The following FTO variants were observed in gnomAD, a reference collection of about 807,000 sequenced individuals.
FTO encodes the protein alpha-ketoglutarate-dependent dioxygenase FTO.
Under a neutral mutation model 63.9 loss-of-function variants are expected in FTO, and 47 were observed. The observed-to-expected ratio is 0.74, with a 90% CI of 0.58 to 0.94. The LOEUF (loss-of-function observed/expected upper bound fraction) is 0.94. FTO is among the 40% of genes least tolerant of loss of function. The probability of loss-of-function intolerance (pLI) is 0.00; values close to 1 mark genes in which losing one functional copy is unlikely to be tolerated. For missense variants in FTO, 562 were observed against 618.1 expected (o/e 0.91, Z 0.96); for synonymous variants, 207 against 224.4 (o/e 0.92, Z 0.69).
intron 8 of FTO, among the ~76,000 whole-genome samples, chr16:54,026,293 G>A (rs7195994): frequency 0.18 from 26,701 of 151,916 alleles, 3,655 homozygotes; most frequent in African/African-American, 0.38. Context: ...TTTCCCTCAC[G>A]GTCACAAAAG....
Position 53,737,971 on chromosome 16 carries a change from T to C in FTO, c.45+33742T>C, listed in dbSNP as rs867411184. Among the ~76,000 whole-genome samples the C allele has an allele frequency of 2.6e-5, 4 of 152,004 alleles. No homozygotes were observed. The South Asian group carries it at 8.3e-4, about 32-fold the overall frequency. ...TTCTTTCTTTCTTTTTTTTCTTTTT[T>C]GAGACAAGGTTTCGCTCTGTCACCC... On this transcript the variant is annotated intron_variant, in intron 1 of 8. Transcript: ENST00000471389.
chr16:53,991,096 A>T (rs1364052248), intron 8 of FTO: 1 of 152,100 alleles, frequency 6.6e-6, no homozygotes, highest in Non-Finnish European at 1.5e-5. Flanking sequence ...TGGAATTTTC[A>T]TGGCAACATA....
At chr16:53,857,543 C>A (rs112202545) in intron 4 of FTO, among the ~76,000 whole-genome samples, 2,302 of 151,910 alleles carry the variant, frequency 0.015, 57 homozygotes, top group African/African-American at 0.053. Flanking sequence ...CAAGGGCATA[C>A]CTGGTGCTAG....
intron 1 of FTO, among the ~76,000 whole-genome samples, chr16:53,764,697 G>A (rs543028027): frequency 6.6e-6 from 1 of 151,990 alleles, no homozygotes; most frequent in South Asian, 2.1e-4. Flanking sequence ...CCAATATAGG[G>A]CAAATAAAAA....
intron 8 of FTO, chr16:54,061,609 G>A (rs1483362135): frequency 2.3e-5 from 2 of 88,120 alleles, no homozygotes; most frequent in Non-Finnish European, 3.9e-5. Flanking sequence ...GTGTGTTTGT[G>A]TGTGTGTGTG....
rs539645550 is a variant in FTO, at chr16:54,004,629, G to A, written c.1364+70520G>A. On this transcript the variant is annotated intron_variant, in intron 8 of 8. Transcript: ENST00000471389. ...CATGCCATTTAATGAGTTTACATCA[G>A]TAAAAAGAGAGGACAGATTCAAAAA... 3.3e-5 allele frequency among the ~76,000 whole-genome samples: 5 copies of A among 152,236 alleles called. No homozygotes were observed. The South Asian group carries it at 1.0e-3, about 32-fold the overall frequency.
chr16:53,792,963 A>C (rs1209132505), intron 1 of FTO, among the ~76,000 whole-genome samples: 1 of 152,164 alleles, frequency 6.6e-6, no homozygotes, highest in African/African-American at 2.4e-5. Flanking sequence ...TTACAAAATT[A>C]TGGACAGTAT....
intron 8 of FTO, among the ~76,000 whole-genome samples, chr16:54,067,490 C>T (rs1411297739): frequency 2.0e-5 from 3 of 152,210 alleles, no homozygotes; most frequent in Admixed American, 2.0e-4. Context: ...CATATAAAAT[C>T]CGCATGTGCT....
chr16:53,804,946 T>C (rs546911505), intron 1 of FTO, among the ~76,000 whole-genome samples: 1 of 152,230 alleles, frequency 6.6e-6, no homozygotes, highest in South Asian at 2.1e-4. Context: ...AGTTTAGATA[T>C]GTCTTCCTTG....
intron 2 of FTO, among the ~76,000 whole-genome samples, chr16:53,814,392 GT>G (rs1219428454): frequency 3.3e-5 from 5 of 152,140 alleles, no homozygotes; most frequent in African/African-American, 9.7e-5. Context: ...GTGCCAGGTT[GT>G]TCTGCTGCTA....
chr16:53,760,621 CTTTTTT>C (rs1169039527), intron 1 of FTO, among the ~76,000 whole-genome samples: 6 of 112,038 alleles, frequency 5.4e-5, no homozygotes, highest in East Asian at 2.5e-4. Flanking sequence ...TGCTTGCTTT[CTTTTTT>C]TTTTTTTTTT....
chr16:53,895,664 A>T (rs990600957), intron 7 of FTO, among the ~76,000 whole-genome samples: 6 of 152,216 alleles, frequency 3.9e-5, no homozygotes, highest in African/African-American at 1.4e-4. Flanking sequence ...ACCAGTGGGT[A>T]GGACTTTCTG....
intron 8 of FTO, among the ~76,000 whole-genome samples, chr16:54,089,871 AAAAAG>A (rs1291901735): frequency 2.6e-5 from 4 of 152,096 alleles, no homozygotes; most frequent in Non-Finnish European, 5.9e-5. Context: ...TTAAAAAAAA[AAAAAG>A]AAAAGAAAAT....
chr16:54,023,822 G>A (rs956962525), intron 8 of FTO, among the ~76,000 whole-genome samples: 3 of 152,144 alleles, frequency 2.0e-5, no homozygotes, highest in East Asian at 3.9e-4. Context: ...TCCTAATACA[G>A]CTATTTTTAC....
chr16:53,873,942 C>T (rs2080575992), intron 5 of FTO, 77 bp downstream of exon 5: 2 of 1,088,934 alleles, frequency 1.8e-6, no homozygotes, highest in Admixed American at 1.7e-5. Context: ...TACTATAGAG[C>T]TTTGGAAGAG....
At chr16:53,967,821 T>C (rs535245837) in intron 8 of FTO, among the ~76,000 whole-genome samples, 1 of 152,298 alleles carries the variant, frequency 6.6e-6, no homozygotes, top group East Asian at 1.9e-4. Context: ...ATTTGAATAA[T>C]TGGATTAATT....
intron 1 of FTO, among the ~76,000 whole-genome samples, chr16:53,718,702 A>AT (rs1015376116): frequency 1.3e-5 from 2 of 151,978 alleles, no homozygotes; most frequent in African/African-American, 2.4e-5. Context: ...TTTTAGGAAC[A>AT]TTTTTTGGAC....
At position 54,102,078 on chromosome 16, in the gene FTO, A is replaced by G. The variant is rs111877745; in HGVS notation, c.1365-9684A>G. ...GATATTAGACCTTTGTCAGATGCAT[A>G]ATTTGCAAACATTTTCTCCCATTCT... On this transcript the variant is annotated intron_variant, in intron 8 of 8. Coordinates refer to ENST00000471389, the MANE Select transcript of FTO (RefSeq NM_001080432.3). Among the ~76,000 whole-genome samples the G allele has an allele frequency of 8.7e-3, 1,330 of 152,274 alleles. 17 individuals are homozygous for G. The highest frequency in any genetic ancestry group is 0.028 in the African/African-American group (1,176 of 41,530).
At chr16:53,862,676 C>T (rs2080209657) in intron 4 of FTO, among the ~76,000 whole-genome samples, 1 of 151,614 alleles carries the variant, frequency 6.6e-6, no homozygotes, top group Non-Finnish European at 1.5e-5. Flanking sequence ...GTTGGGATTA[C>T]AGGCGCCTGC....
Sources: allele counts gnomAD v4.1 joint callset (sites outside exome capture counted in the v4.1 genomes callset), GRCh38; gene constraint gnomAD v4.1.1; transcripts MANE v1.5; gene names NCBI Gene and HGNC (gene_info 2026-07-23, HGNC 2026-07-21).